The following MTSS1 variants were observed in gnomAD, a reference collection of about 807,000 sequenced individuals.
MTSS1 encodes MTSS I-BAR domain containing 1.
A neutral mutation model predicts 79.0 loss-of-function variants in MTSS1; 18 were observed. That is an observed-to-expected ratio of 0.23 (90% CI 0.16 to 0.34). The LOEUF is 0.34. Among genes scored for constraint, MTSS1 ranks in the 10% least tolerant of loss-of-function variants. The pLI, the probability that MTSS1 is intolerant of heterozygous loss-of-function variation, is 1.00. For missense variants in MTSS1, 815 were observed against 986.2 expected, an observed-to-expected ratio of 0.83 and a Z score of 2.33; for synonymous variants, 341 against 368.6, an observed-to-expected ratio of 0.93 and a Z score of 0.86.
intron 3 of MTSS1, among the ~76,000 whole-genome samples, chr8:124,593,927 G>A (rs1423194605): frequency 1.3e-5 from 2 of 152,146 alleles, no homozygotes; most frequent in African/African-American, 4.8e-5. Flanking sequence ...CGCTATTACG[G>A]GTGTTGGTGC....
chr8:124,718,752 G>A (rs562392701), intron 1 of MTSS1, among the ~76,000 whole-genome samples: 1 of 152,248 alleles, frequency 6.6e-6, no homozygotes, highest in East Asian at 1.9e-4. Flanking sequence ...AGTGGTTACT[G>A]GAGCGACCCT....
chr8:124,571,762 A>G (rs2132189105), intron 6 of MTSS1, among the ~76,000 whole-genome samples: 1 of 152,322 alleles, frequency 6.6e-6, no homozygotes, highest in Admixed American at 6.5e-5. Context: ...TCAGGAGTTC[A>G]AGACCAGCCT....
chr8:124,606,219 C>T (rs1409863355), intron 3 of MTSS1, among the ~76,000 whole-genome samples: 1 of 139,378 alleles, frequency 7.2e-6, no homozygotes, highest in African/African-American at 2.8e-5. Context: ...GTGGCCCAGG[C>T]TGGAGTACAA....
In MTSS1 at chr8:124,553,946, A is replaced by G. The variant is rs1170420971; in HGVS notation, c.1568-254T>C. 2.6e-5 allele frequency among the ~76,000 whole-genome samples: 4 copies of G among 152,328 alleles called. No individual in the cohort carries two copies. The highest frequency in any genetic ancestry group is 4.8e-5 in the African/African-American group (2 of 41,586). ...CACGGTAGGCACTCAAATATCGTCA[A>G]TGGGGAAGAAGGTAAAGCTGCTAGG... On this transcript the variant is annotated intron_variant, in intron 13 of 13. Transcript: ENST00000518547. The surrounding 1 kb of genome is among the most constrained non-coding windows in gnomAD (Gnocchi z 6.0).
At chr8:124,677,627 C>T (rs180892987) in intron 3 of MTSS1, among the ~76,000 whole-genome samples, 317 of 152,296 alleles carry the variant, frequency 2.1e-3, no homozygotes, top group Non-Finnish European at 3.7e-3. Flanking sequence ...TGTAGTCTGC[C>T]TACCCCTTCT....
chr8:124,566,951 T>C, intron 8 of MTSS1, 120 bp downstream of exon 8: 1 of 732,048 alleles, frequency 1.4e-6, no homozygotes, highest in Admixed American at 2.6e-5. Flanking sequence ...TATTACATCA[T>C]GAAGGACGTG....
At position 124,611,110 on chromosome 8, in the gene MTSS1, C is replaced by CCG. The variant is rs1554671324; in HGVS notation, c.209-19876_209-19875insCG. Among the ~76,000 whole-genome samples the CCG allele has an allele frequency of 1.4e-5, 2 of 146,238 alleles. 1 individual carries two copies. Among genetic ancestry groups the CCG allele is most frequent in the African/African-American group, 5.0e-5 (2 of 39,696 alleles). ...GTGCACAAACCCACCAGACAGACCCCCCCCCCCCAGCATGTGACTCAACAG... is the reference window on the plus strand; with the variant it reads ...GTGCACAAACCCACCAGACAGACCCCCGCCCCCCCCAGCATGTGACTCAACAG... On this transcript the variant is annotated intron_variant, in intron 3 of 13. Coordinates refer to ENST00000518547, the MANE Select transcript of MTSS1 (RefSeq NM_014751.6).
chr8:124,617,925 G>A (rs538698683), intron 3 of MTSS1, among the ~76,000 whole-genome samples: 1 of 152,292 alleles, frequency 6.6e-6, no homozygotes, highest in South Asian at 2.1e-4. Flanking sequence ...TCCAAGAGGT[G>A]GCCTGGCACA....
intron 10 of MTSS1, among the ~76,000 whole-genome samples, chr8:124,562,299 T>C (rs1167167781): frequency 6.6e-6 from 1 of 152,210 alleles, no homozygotes; most frequent in Non-Finnish European, 1.5e-5. Flanking sequence ...GCAGAAGCTC[T>C]GATGATTCAT....
chr8:124,635,281 T>C (rs1013505714), intron 3 of MTSS1, among the ~76,000 whole-genome samples: 2 of 150,016 alleles, frequency 1.3e-5, no homozygotes, highest in Non-Finnish European at 2.9e-5. Flanking sequence ...CAGAGTCAAA[T>C]GACAGGAAAC....
intron 3 of MTSS1, among the ~76,000 whole-genome samples, chr8:124,676,510 T>C (rs1404501795): frequency 6.6e-6 from 1 of 152,242 alleles, no homozygotes; most frequent in Non-Finnish European, 1.5e-5. Flanking sequence ...TGAGGCAACC[T>C]GGCCAGCCTT....
chr8:124,553,396 T>C lies in MTSS1; in HGVS notation c.1864A>G (p.Thr622Ala), dbSNP rs1420849005. Residue 622 changes from threonine (T) to alanine (A), a missense_variant, in exon 14 of 14, where the codon ACC becomes GCC. Thr to Ala is a moderately conservative substitution (Grantham distance 58). Transcript: ENST00000518547. The surrounding 1 kb of genome is among the most constrained non-coding windows in gnomAD (Gnocchi z 6.0). ...AACACCCCTGGGAGGTCTGGGACGG[T>C]TGGGGTCTTGACAGGGATCACGGGT... ...KTPVIPVKTP[T>A]VPDLPGVLPA... 2.5e-6 allele frequency: 4 copies of C among 1,608,030 alleles called. No individual in the cohort carries two copies. The highest frequency in any genetic ancestry group is 2.2e-5 in the East Asian group (1 of 44,694).
chr8:124,565,757 C>A lies in MTSS1; in HGVS notation c.729G>T (p.Val243=). 6.2e-7 allele frequency: 1 copy of A among 1,612,902 alleles called. No individual in the cohort carries two copies. Among genetic ancestry groups the A allele is most frequent in the East Asian group, 2.2e-5 (1 of 44,868 alleles). Residue 243 remains valine, a splice_region_variant and synonymous_variant, in exon 9 of 14, where the codon GTG becomes GTT. Coordinates refer to ENST00000518547, the MANE Select transcript of MTSS1 (RefSeq NM_014751.6). ...PHKLPSSSEQ[V]ILDLKGSDYS... Reference sequence around the variant, plus strand: ...AATCAGAACCTTTCAAGTCCAGAATCACCTAAGGGGACAGAGCCAGCTGGG... The same window carrying A: ...AATCAGAACCTTTCAAGTCCAGAATAACCTAAGGGGACAGAGCCAGCTGGG...
chr8:124,620,323 T>C (rs142050439), intron 3 of MTSS1, among the ~76,000 whole-genome samples: 227 of 152,264 alleles, frequency 1.5e-3, no homozygotes, highest in African/African-American at 4.9e-3. Flanking sequence ...AAGTTAGCAG[T>C]TGGGGCTTCA....
chr8:124,570,535 T>C (rs1827528978), intron 6 of MTSS1, among the ~76,000 whole-genome samples: 2 of 152,246 alleles, frequency 1.3e-5, no homozygotes, highest in African/African-American at 2.4e-5. Flanking sequence ...GCCTAAATTA[T>C]GTATTAAACT....
In MTSS1 at chr8:124,556,237, T is replaced by C; in HGVS notation, c.1399A>G (p.Thr467Ala). The C allele has an allele frequency of 6.2e-7, 1 of 1,614,184 alleles. No homozygotes were observed. The highest frequency in any genetic ancestry group is 8.5e-7 in the Non-Finnish European group (1 of 1,180,016). Residue 467 changes from threonine to alanine, a missense_variant, in exon 12 of 14, where the codon ACC (threonine) becomes GCC (alanine). Physicochemically the swap from Thr to Ala is moderately conservative, Grantham distance 58. Transcript: ENST00000518547. ...RPRSMTVSAA[T>A]RPGEEMEACE... ...ACTGAGAACAAGAGCATCACCCTGGTGGCAGCCGATACAGTCATGCTCCGT... is the reference window on the plus strand; with the variant it reads ...ACTGAGAACAAGAGCATCACCCTGGCGGCAGCCGATACAGTCATGCTCCGT...
intron 3 of MTSS1, among the ~76,000 whole-genome samples, chr8:124,648,284 AT>A (rs796102261): frequency 5.8e-4 from 87 of 149,288 alleles, no homozygotes; most frequent in African/African-American, 1.5e-3. Flanking sequence ...GTGTTTTTGA[AT>A]TTTTTTTTTT....
rs145119262 is a variant in MTSS1 at position 124,551,678 on chromosome 8, T to C, written c.*1314A>G. ...ATCCCTTTAAATCTACAAATCTCTG[T>C]TGGCTTTAGGGGATGGGCAGTATAA... On this transcript the variant is annotated 3_prime_UTR_variant, in exon 14 of 14. Coordinates refer to ENST00000518547, the MANE Select transcript of MTSS1 (RefSeq NM_014751.6). The C allele has an allele frequency of 2.0e-5, 3 of 152,424 alleles. No individual in the cohort carries two copies. Among genetic ancestry groups the C allele is most frequent in the Non-Finnish European group, 2.9e-5 (2 of 68,032 alleles). 9.4% of individuals were successfully genotyped at this position (152,424 alleles called of 1,614,324 possible). A position where few individuals can be genotyped will look rare whatever the true frequency, so the allele number is the denominator to read the frequency against.
chr8:124,634,852 C>T (rs1184117669), intron 3 of MTSS1, among the ~76,000 whole-genome samples: 1 of 152,196 alleles, frequency 6.6e-6, no homozygotes, highest in Non-Finnish European at 1.5e-5. Context: ...TGAATCAGAA[C>T]CTACATTTGA....
Sources: gnomAD v4.1 joint callset for allele counts (sites outside exome capture counted in the v4.1 genomes callset) on GRCh38, gnomAD v4.1.1 for gene constraint, Gnocchi (gnomAD v3.1) non-coding constraint, MANE v1.5 for transcripts, NCBI Gene and HGNC (gene_info 2026-07-23, HGNC 2026-07-21) for gene names.